TMPRSS11E: variants seen among roughly 807,000 people sequenced by gnomAD.
TMPRSS11E encodes transmembrane protease serine 11E.
TMPRSS11E carries 38 observed loss-of-function variants against 48.1 expected under a neutral mutation model. That is an observed-to-expected ratio of 0.79 (90% CI 0.61 to 1.04). The LOEUF (loss-of-function observed/expected upper bound fraction) is 1.04. Ranked by LOEUF, TMPRSS11E falls within the 50% of genes least tolerant of loss-of-function variation. TMPRSS11E has a pLI of 0.00. For missense variants in TMPRSS11E, 530 were observed against 510.8 expected (o/e 1.04, Z -0.36); for synonymous variants, 158 against 171.9 (o/e 0.92, Z 0.63).
At chr4:68,470,473 C>T (rs147890594) in intron 4 of TMPRSS11E, among the ~76,000 whole-genome samples, 4,989 of 151,880 alleles carry the variant, frequency 0.033, 124 homozygotes, top group East Asian at 0.085. Flanking sequence ...TACTTATTTT[C>T]GTGTCCTGAA....
intron 9 of TMPRSS11E, among the ~76,000 whole-genome samples, chr4:68,493,299 C>A (rs1729780306): frequency 6.6e-6 from 1 of 152,166 alleles, no homozygotes; most frequent in African/African-American, 2.4e-5. Flanking sequence ...TGAAGTTAAT[C>A]CCAGATGTTA....
chr4:68,465,993 A>G (rs973163567), intron 2 of TMPRSS11E, among the ~76,000 whole-genome samples: 1 of 152,174 alleles, frequency 6.6e-6, no homozygotes, highest in Non-Finnish European at 1.5e-5. Context: ...AGGAGCAGAC[A>G]AGCCAACCCC....
intron 1 of TMPRSS11E, among the ~76,000 whole-genome samples, chr4:68,459,247 C>G (rs1728721196): frequency 6.6e-6 from 1 of 152,018 alleles, no homozygotes; most frequent in Non-Finnish European, 1.5e-5. Context: ...AGAAGAATCA[C>G]AGTGGTACCT....
chr4:68,478,500 G>A lies in TMPRSS11E; in HGVS notation c.968-349G>A, dbSNP rs1196852605. Among the ~76,000 whole-genome samples, 3 of 118,712 alleles carry A rather than the reference G, an allele frequency of 2.5e-5. No individual in the cohort carries two copies. The East Asian group carries it at 8.5e-4, about 33-fold the overall frequency. The allele number at this position is 118,712 out of a possible 152,430, so 77.9% of individuals were successfully genotyped here. A position where few individuals can be genotyped will look rare whatever the true frequency, so the allele number is the denominator to read the frequency against. On this transcript the variant is annotated intron_variant, in intron 8 of 9. Coordinates refer to ENST00000305363, the MANE Select transcript of TMPRSS11E (RefSeq NM_014058.4). The stretch of plus-strand genomic sequence containing the variant: ...GATGGGGCTTCTTTCTGTCCCCCAG[G>A]CTGGAGTTCAGTGGCCCGATCTTGG...
At chr4:68,471,901 A>T (rs570145410) in intron 5 of TMPRSS11E, among the ~76,000 whole-genome samples, 10 of 151,974 alleles carry the variant, frequency 6.6e-5, no homozygotes, top group Non-Finnish European at 1.0e-4. Flanking sequence ...AGTGAAGAAA[A>T]TGGCTTTGTA....
At chr4:68,456,614 T>G (rs752722780) in intron 1 of TMPRSS11E, among the ~76,000 whole-genome samples, 1 of 152,058 alleles carries the variant, frequency 6.6e-6, no homozygotes, top group Non-Finnish European at 1.5e-5. Flanking sequence ...TTTCACAAAG[T>G]AAAACACATC....
Position 68,449,273 on chromosome 4 carries a change from A to G in TMPRSS11E, c.11+1750A>G, listed in dbSNP as rs1275177648. On this transcript the variant is annotated intron_variant, in intron 1 of 9. Coordinates refer to ENST00000305363, the MANE Select transcript of TMPRSS11E (RefSeq NM_014058.4). ...CACATGAATTTTATAAACACACAAC[A>G]GAAAGTTAAAGAAAACTCTATCAGG... is the stretch of plus-strand genomic sequence containing the variant. Among the ~76,000 whole-genome samples the G allele has an allele frequency of 2.0e-5, 3 of 151,892 alleles. No homozygotes were observed. The East Asian group carries it at 5.8e-4, about 29-fold the overall frequency.
intron 2 of TMPRSS11E, 97 bp downstream of exon 2, chr4:68,462,042 C>T (rs567099951): frequency 1.0e-4 from 154 of 1,471,746 alleles, no homozygotes; most frequent in Admixed American, 1.2e-4. Flanking sequence ...TTTATCACTA[C>T]GATTCATTTG....
At chr4:68,467,435 T>A (rs1728957159) in intron 3 of TMPRSS11E, among the ~76,000 whole-genome samples, 1 of 152,132 alleles carries the variant, frequency 6.6e-6, no homozygotes, top group Non-Finnish European at 1.5e-5. Flanking sequence ...AAGAATAATT[T>A]AACTTTTCCT....
intron 2 of TMPRSS11E, among the ~76,000 whole-genome samples, chr4:68,465,548 C>G (rs528284474): frequency 6.6e-6 from 1 of 152,274 alleles, no homozygotes; most frequent in Non-Finnish European, 1.5e-5. Flanking sequence ...ATTTCCAAGA[C>G]TGTAATCTAT....
intron 9 of TMPRSS11E, among the ~76,000 whole-genome samples, chr4:68,492,289 C>T (rs1481317785): frequency 6.6e-6 from 1 of 152,160 alleles, no homozygotes; most frequent in Non-Finnish European, 1.5e-5. Flanking sequence ...TTATTTGTAA[C>T]CCCCAAATCA....
At chr4:68,489,354 G>T (rs768506133) in intron 9 of TMPRSS11E, among the ~76,000 whole-genome samples, 4 of 152,172 alleles carry the variant, frequency 2.6e-5, no homozygotes, top group African/African-American at 4.8e-5. Flanking sequence ...AAGGAATGAG[G>T]TGTTCCTGGT....
chr4:68,479,500 T>G (rs1729346747), intron 9 of TMPRSS11E, among the ~76,000 whole-genome samples: 2 of 149,584 alleles, frequency 1.3e-5, no homozygotes, highest in East Asian at 3.9e-4. Flanking sequence ...TATATATTTA[T>G]TTATATATAC....
chr4:68,490,984 C>A (rs1729704209), intron 9 of TMPRSS11E, among the ~76,000 whole-genome samples: 1 of 151,842 alleles, frequency 6.6e-6, no homozygotes, highest in Admixed American at 6.6e-5. Flanking sequence ...GTCTGAAACT[C>A]CTGATTTCAG....
rs1729899132 is a variant in TMPRSS11E, at chr4:68,497,257, TA to T, written c.*454del. ...AAAATATAAGAAGAAAAAAATCCCCTACATTTTATTGGCACAGAAAAGTATT... is the reference window on the plus strand; with the variant it reads ...AAAATATAAGAAGAAAAAAATCCCCTCATTTTATTGGCACAGAAAAGTATT... On this transcript the variant is annotated 3_prime_UTR_variant, in exon 10 of 10. Coordinates refer to ENST00000305363, the MANE Select transcript of TMPRSS11E (RefSeq NM_014058.4). 1 of 152,534 alleles carries T rather than the reference TA, an allele frequency of 6.6e-6. No individual in the cohort carries two copies. Among genetic ancestry groups the T allele is most frequent in the Admixed American group, 6.6e-5 (1 of 15,262 alleles). 9.4% of individuals were successfully genotyped at this position (152,534 alleles called of 1,614,324 possible).
At chr4:68,490,041 GC>G (rs1729672561) in intron 9 of TMPRSS11E, among the ~76,000 whole-genome samples, 2 of 152,168 alleles carry the variant, frequency 1.3e-5, no homozygotes, top group South Asian at 4.1e-4. Flanking sequence ...GTCTCCTGCA[GC>G]TAAGATTCTG....
chr4:68,481,607 T>C (rs1451262738), intron 9 of TMPRSS11E, among the ~76,000 whole-genome samples: 2 of 152,170 alleles, frequency 1.3e-5, no homozygotes, highest in Admixed American at 6.5e-5. Context: ...TGTCTTCATT[T>C]GAGAAGTGTC....
At chr4:68,478,163 T>TTTTTC (rs1729287536) in intron 8 of TMPRSS11E, among the ~76,000 whole-genome samples, 1 of 150,526 alleles carries the variant, frequency 6.6e-6, no homozygotes, top group South Asian at 2.1e-4. Flanking sequence ...TTTTTTTTTT[T>TTTTTC]TTGAGACAGA....
At chr4:68,450,437 T>C (rs762573618) in intron 1 of TMPRSS11E, among the ~76,000 whole-genome samples, 8 of 151,982 alleles carry the variant, frequency 5.3e-5, no homozygotes, top group Non-Finnish European at 1.0e-4. Context: ...CTGATCTTTC[T>C]GATTTTAAAA....
Sources: gnomAD v4.1 joint callset for allele counts (sites outside exome capture counted in the v4.1 genomes callset) on GRCh38, gnomAD v4.1.1 for gene constraint, MANE v1.5 for transcripts, NCBI Gene and HGNC (gene_info 2026-07-23, HGNC 2026-07-21) for gene names.